Variants in CCDC30 observed in about 807,000 individuals in gnomAD.
The protein encoded by CCDC30 is coiled-coil domain-containing protein 30.
A neutral mutation model predicts 100.2 loss-of-function variants in CCDC30; 70 were observed. That is an observed-to-expected ratio of 0.70 (90% CI 0.58 to 0.85). The LOEUF is 0.85. Among genes scored for constraint, CCDC30 ranks in the 40% least tolerant of loss-of-function variants. CCDC30 has a pLI of 0.00. For missense variants in CCDC30, 652 were observed against 771.2 expected (o/e 0.85, Z 1.83); for synonymous variants, 233 against 269.5 (o/e 0.86, Z 1.33).
intron 6 of CCDC30, among the ~76,000 whole-genome samples, chr1:42,523,885 AT>A (rs533220351): frequency 6.6e-6 from 1 of 151,884 alleles, no homozygotes; most frequent in African/African-American, 2.4e-5. Context: ...CCTATAGTGA[AT>A]TTTTTATTTC....
chr1:42,497,283 C>A, intron 5 of CCDC30, 70 bp downstream of exon 5: 1 of 899,560 alleles, frequency 1.1e-6, no homozygotes, highest in Non-Finnish European at 1.5e-6. Flanking sequence ...ATAAGCAACA[C>A]AGGTATACAA....
chr1:42,575,641 C>A (rs1234077461), intron 7 of CCDC30, among the ~76,000 whole-genome samples: 2 of 680 alleles, frequency 2.9e-3, no homozygotes, highest in Non-Finnish European at 0.011. Flanking sequence ...CAGAGAGAGA[C>A]CCTGTCTCAA....
At chr1:42,615,190 G>A (rs796200630) in intron 11 of CCDC30, among the ~76,000 whole-genome samples, 3 of 152,278 alleles carry the variant, frequency 2.0e-5, no homozygotes, top group African/African-American at 7.2e-5. Flanking sequence ...CATAGGACAG[G>A]GAGATGAAGT....
chr1:42,648,978 A>G (rs1648114210), intron 15 of CCDC30, among the ~76,000 whole-genome samples: 1 of 152,144 alleles, frequency 6.6e-6, no homozygotes, highest in Non-Finnish European at 1.5e-5. Context: ...GAAACATACA[A>G]CCTACCAAGA....
intron 6 of CCDC30, among the ~76,000 whole-genome samples, chr1:42,514,029 A>G (rs189398012): frequency 1.3e-5 from 2 of 152,276 alleles, no homozygotes; most frequent in African/African-American, 4.8e-5. Context: ...CATGATCAAA[A>G]TGCCTCCCAC....
chr1:42,653,761 C>T (rs1476933152), intron 16 of CCDC30, 57 bp from the exon 21 acceptor site: 3 of 1,360,152 alleles, frequency 2.2e-6, no homozygotes, highest in African/African-American at 2.9e-5. Flanking sequence ...CCTGTAACCC[C>T]GAACTGCTAC....
At chr1:42,503,489 G>C (rs1644351353) in intron 6 of CCDC30, among the ~76,000 whole-genome samples, 2 of 150,466 alleles carry the variant, frequency 1.3e-5, no homozygotes, top group Admixed American at 1.3e-4. Context: ...GGGAAGGCTT[G>C]TCACCCCACC....
exon 12 of CCDC30, chr1:42,637,369 A>T (rs778945294): frequency 6.2e-7 from 1 of 1,606,512 alleles, no homozygotes; most frequent in South Asian, 1.1e-5. Flanking sequence ...TGCAACATAA[A>T]ATAGAAAAGG....
At chr1:42,545,343 A>C in intron 6 of CCDC30, 67 bp from the exon 9 acceptor site, 9 of 1,262,572 alleles carry the variant, frequency 7.1e-6, no homozygotes, top group Non-Finnish European at 8.7e-6. Context: ...AAATCAGTAT[A>C]CTTTTTTTCA....
intron 6 of CCDC30, chr1:42,558,119 T>A: frequency 3.2e-6 from 1 of 310,048 alleles, no homozygotes; most frequent in South Asian, 2.6e-5. Flanking sequence ...GAAAAATAAT[T>A]TGCATTTCTA....
At chr1:42,629,069 C>T (rs532637720) in intron 11 of CCDC30, among the ~76,000 whole-genome samples, 149 of 152,280 alleles carry the variant, frequency 9.8e-4, no homozygotes, top group South Asian at 1.9e-3. Flanking sequence ...TTACACACTA[C>T]AGTTACAGTG....
At chr1:42,537,985 A>T (rs1212686100) in intron 6 of CCDC30, 1 of 152,666 alleles carries the variant, frequency 6.6e-6, no homozygotes, top group Non-Finnish European at 1.4e-5. Flanking sequence ...AAAAAAAAAA[A>T]TCTGCATTTA....
chr1:42,630,526 G>A (rs1248974641), intron 11 of CCDC30, among the ~76,000 whole-genome samples: 1 of 151,692 alleles, frequency 6.6e-6, no homozygotes, highest in Non-Finnish European at 1.5e-5. Flanking sequence ...GGAATTATAG[G>A]TGCGTGCCAC....
chr1:42,619,152 TA>T (rs1453499017), intron 11 of CCDC30, among the ~76,000 whole-genome samples: 1 of 152,214 alleles, frequency 6.6e-6, no homozygotes, highest in Non-Finnish European at 1.5e-5. Flanking sequence ...ACAAGCAAGC[TA>T]TATCTAGCTT....
intron 6 of CCDC30, among the ~76,000 whole-genome samples, chr1:42,556,833 C>G (rs1645380437): frequency 6.6e-6 from 1 of 152,176 alleles, no homozygotes; most frequent in African/African-American, 2.4e-5. Flanking sequence ...GACATCTGCC[C>G]TAGCCAGACA....
chr1:42,572,819 A>G (rs1645759719), intron 7 of CCDC30, among the ~76,000 whole-genome samples: 1 of 152,136 alleles, frequency 6.6e-6, no homozygotes, highest in Admixed American at 6.5e-5. Flanking sequence ...GGGTTTCACC[A>G]TATTGGCCTG....
In CCDC30 at chr1:42,577,074, T is replaced by C. The variant is rs772843460; in HGVS notation, c.691T>C (p.Cys231Arg). 7.4e-6 allele frequency: 12 copies of C among 1,613,968 alleles called. No homozygotes were observed. In the South Asian group the frequency reaches 1.2e-4, roughly 16 times the overall value. ...GAAGTTATTAGACAGCACAAAGATG[T>C]GCTCTTCACTCACGGCAGAGTACAA... The change falls in exon 8 of 17, where the codon TGC becomes CGC. Residue 231 changes from cysteine (C) to arginine (R), a missense_variant. Physicochemically the swap from Cys to Arg is radical, Grantham distance 180. Transcript: ENST00000668663.
At chr1:42,466,803 C>T (rs751270961) in intron 1 of CCDC30, among the ~76,000 whole-genome samples, 15 of 152,144 alleles carry the variant, frequency 9.9e-5, no homozygotes, top group South Asian at 8.3e-4. Context: ...CCATCTGCCT[C>T]GGCCTCCCAA....
chr1:42,520,312 T>C (rs915664601), intron 6 of CCDC30, among the ~76,000 whole-genome samples: 1 of 151,862 alleles, frequency 6.6e-6, no homozygotes, highest in Admixed American at 6.6e-5. Context: ...TTTTCATTGA[T>C]CTTTAAGTAT....
Sources: gnomAD v4.1 joint callset for allele counts (sites outside exome capture counted in the v4.1 genomes callset) on GRCh38, gnomAD v4.1.1 for gene constraint, MANE v1.5 for transcripts, NCBI Gene and HGNC (gene_info 2026-07-23, HGNC 2026-07-21) for gene names.